The following CHMP1A variants were observed in gnomAD, a reference collection of about 807,000 sequenced individuals.
CHMP1A encodes the protein charged multivesicular body protein 1A.
A neutral mutation model predicts 27.0 loss-of-function variants in CHMP1A; 17 were observed. The observed-to-expected ratio is 0.63, with a 90% CI of 0.43 to 0.95. CHMP1A has a LOEUF of 0.95. CHMP1A is among the 40% of genes least tolerant of loss of function. The probability of loss-of-function intolerance (pLI) is 0.00; values close to 1 mark genes in which losing one functional copy is unlikely to be tolerated. For missense variants in CHMP1A, 275 were observed against 264.0 expected, an observed-to-expected ratio of 1.04 and a Z score of -0.29; for synonymous variants, 131 against 107.5, an observed-to-expected ratio of 1.22 and a Z score of -1.35.
chr16:89,650,725 G>C (rs34179535), intron 3 of CHMP1A, among the ~76,000 whole-genome samples: 1 of 151,806 alleles, frequency 6.6e-6, no homozygotes, highest in East Asian at 1.9e-4. Flanking sequence ...AGAATCACTC[G>C]AACCCAGGAG....
chr16:89,655,118 C>T (rs2059854414), intron 1 of CHMP1A, among the ~76,000 whole-genome samples: 1 of 152,122 alleles, frequency 6.6e-6, no homozygotes, highest in Non-Finnish European at 1.5e-5. Flanking sequence ...CACAAATGCA[C>T]ACCAAGGCTC....
At chr16:89,646,398 G>A (rs1369866704) in intron 6 of CHMP1A, 129 bp downstream of exon 6, 9 of 1,094,064 alleles carry the variant, frequency 8.2e-6, no homozygotes, top group Middle Eastern at 3.1e-4. Flanking sequence ...CCTCTGAGTC[G>A]AGATCAGGGC....
At chr16:89,655,952 G>C (rs1323658526) in intron 1 of CHMP1A, among the ~76,000 whole-genome samples, 3 of 152,116 alleles carry the variant, frequency 2.0e-5, no homozygotes, top group African/African-American at 7.2e-5. Flanking sequence ...TTACAGCCGT[G>C]AGCCACCGCG....
In CHMP1A at chr16:89,644,745, T is replaced by C. The variant is rs1047742452; in HGVS notation, c.*1321A>G. 2 of 152,376 alleles carry C rather than the reference T, an allele frequency of 1.3e-5. No individual in the cohort carries two copies. Among genetic ancestry groups the C allele is most frequent in the African/African-American group, 4.8e-5 (2 of 41,446 alleles). The allele number at this position is 152,376 out of a possible 1,614,324, so 9.4% of individuals were successfully genotyped here. ...GCCCACGTCAGGGTCTCCACGTTCCTGCACGTAACACCCACGACACCACTG... is the reference window on the plus strand; with the variant it reads ...GCCCACGTCAGGGTCTCCACGTTCCCGCACGTAACACCCACGACACCACTG... On this transcript the variant is annotated 3_prime_UTR_variant, in exon 7 of 7. Coordinates refer to ENST00000397901, the MANE Select transcript of CHMP1A (RefSeq NM_002768.5).
chr16:89,648,680 C>A (rs1477558228), intron 4 of CHMP1A, among the ~76,000 whole-genome samples: 1 of 151,904 alleles, frequency 6.6e-6, no homozygotes, highest in Non-Finnish European at 1.5e-5. Flanking sequence ...TGCTTGAGGC[C>A]AGGAGTTTGA....
chr16:89,654,172 G>A (rs2059846174), intron 1 of CHMP1A, among the ~76,000 whole-genome samples: 1 of 152,208 alleles, frequency 6.6e-6, no homozygotes, highest in Non-Finnish European at 1.5e-5. Flanking sequence ...TTCCTTGTTG[G>A]GAACATGAGG....
intron 3 of CHMP1A, among the ~76,000 whole-genome samples, chr16:89,650,504 G>A (rs921522556): frequency 6.6e-6 from 1 of 152,156 alleles, no homozygotes; most frequent in Non-Finnish European, 1.5e-5. Context: ...AGGGAGGAGA[G>A]AGCTAAAAAT....
rs2059804834 is a variant in CHMP1A at position 89,649,183 on chromosome 16, C to G, written c.252+168G>C. ...CTCAACCTCCCCACCCCACGCTGAT[C>G]CAGCCCTCAACCTCCCCACCCCACG... On this transcript the variant is annotated intron_variant, in intron 4 of 6. Coordinates refer to ENST00000397901, the MANE Select transcript of CHMP1A (RefSeq NM_002768.5). 6 of 343,462 alleles carry G rather than the reference C, an allele frequency of 1.7e-5. No homozygotes were observed. In the South Asian group the frequency reaches 2.9e-4, roughly 17 times the overall value. 21.3% of individuals were successfully genotyped at this position (343,462 alleles called of 1,614,324 possible).
In CHMP1A at chr16:89,647,019, G is replaced by A. The variant is rs541653790; in HGVS notation, c.381+184C>T. ...CAGGTGCCTGCAGGAGGCCCCCGCCGCCCTGCCCACCCTACCTGTCAGGGT... is the reference window on the plus strand; with the variant it reads ...CAGGTGCCTGCAGGAGGCCCCCGCCACCCTGCCCACCCTACCTGTCAGGGT... On this transcript the variant is annotated intron_variant, in intron 5 of 6. Transcript: ENST00000397901. The A allele has an allele frequency of 2.8e-4, 428 of 1,511,868 alleles. 3 individuals are homozygous for A. In the South Asian group the frequency reaches 3.8e-3, roughly 13 times the overall value. The allele number at this position is 1,511,868 out of a possible 1,614,324, so 93.7% of individuals were successfully genotyped here.
chr16:89,653,566 T>G, intron 2 of CHMP1A, among the ~76,000 whole-genome samples: 1 of 133,434 alleles, frequency 7.5e-6, no homozygotes, highest in African/African-American at 2.9e-5. Context: ...GAGGTTGCAG[T>G]GAGCCGAGAT....
At chr16:89,655,369 CTT>C (rs2059856341) in intron 1 of CHMP1A, among the ~76,000 whole-genome samples, 1 of 51,496 alleles carries the variant, frequency 1.9e-5, no homozygotes, top group African/African-American at 4.2e-5. Flanking sequence ...CTCATCTCAG[CTT>C]TCCCTCACCT....
Position 89,649,444 on chromosome 16 carries a change from G to A in CHMP1A, c.159C>T (p.Ile53=). The A allele has an allele frequency of 6.2e-7, 1 of 1,613,780 alleles. No individual in the cohort carries two copies. Among genetic ancestry groups the A allele is most frequent in the African/African-American group, 1.3e-5 (1 of 75,072 alleles). The part of the protein sequence containing the change: ...ECARVYAENA[I]RKKNEGVNWL... Reference sequence around the variant, plus strand: ...AGTTCACACCTTCGTTCTTCTTGCGGATGGCGTTCTCGGCATACACACGGG... The same window carrying A: ...AGTTCACACCTTCGTTCTTCTTGCGAATGGCGTTCTCGGCATACACACGGG... Residue 53 remains isoleucine, a synonymous_variant, in exon 4 of 7, where the codon ATC becomes ATT. Transcript: ENST00000397901.
At chr16:89,655,533 C>T (rs1247866814) in intron 1 of CHMP1A, among the ~76,000 whole-genome samples, 2 of 152,206 alleles carry the variant, frequency 1.3e-5, no homozygotes, top group African/African-American at 4.8e-5. Flanking sequence ...AAAAACCCAG[C>T]TAAGGCAAAA....
At chr16:89,653,146 T>C (rs2059838460) in intron 2 of CHMP1A, among the ~76,000 whole-genome samples, 1 of 150,086 alleles carries the variant, frequency 6.7e-6, no homozygotes, top group South Asian at 2.1e-4. Flanking sequence ...GCCTCCTGAG[T>C]AGCTGGGACT....
At chr16:89,649,666 C>T (rs975486677) in intron 3 of CHMP1A, 169 bp from the exon 4 acceptor site, 2 of 739,572 alleles carry the variant, frequency 2.7e-6, no homozygotes, top group Non-Finnish European at 4.3e-6. Context: ...AGCTCCGCCC[C>T]CCAGGTTCAT....
rs258338 is a variant in CHMP1A at position 89,654,001 on chromosome 16, T to A, written c.8-78A>T. ...CTTCTGGCAGGCAGGACTCACTAGGTTCCTTCTAGACACCAGGAGCTAGAA... is the reference window on the plus strand; with the variant it reads ...CTTCTGGCAGGCAGGACTCACTAGGATCCTTCTAGACACCAGGAGCTAGAA... On this transcript the variant is annotated intron_variant, in intron 1 of 6. Coordinates refer to ENST00000397901, the MANE Select transcript of CHMP1A (RefSeq NM_002768.5). The A allele has an allele frequency of 1, 1,457,094 of 1,461,442 alleles. 726,459 individuals are homozygous for A. Among genetic ancestry groups the A allele is most frequent in the East Asian group, 1 (44,081 of 44,082 alleles). The allele number at this position is 1,461,442 out of a possible 1,614,324, so 90.5% of individuals were successfully genotyped here. A position where few individuals can be genotyped will look rare whatever the true frequency, so the allele number is the denominator to read the frequency against.
chr16:89,646,734 CT>C lies in CHMP1A; in HGVS notation c.382-21del. On this transcript the variant is annotated intron_variant, in intron 5 of 6. Transcript: ENST00000397901. ...CATCACCTGGGGGCAGGGGCATGCT[CT>C]GGACAACAGGTGGGGCCAGGCCCAT... 6.2e-7 allele frequency: 1 copy of C among 1,604,110 alleles called. No individual in the cohort carries two copies. The highest frequency in any genetic ancestry group is 8.5e-7 in the Non-Finnish European group (1 of 1,176,132).
At chr16:89,653,002 CT>C (rs1286315932) in intron 2 of CHMP1A, among the ~76,000 whole-genome samples, 250 of 132,576 alleles carry the variant, frequency 1.9e-3, no homozygotes, top group Middle Eastern at 0.012. Context: ...CCCAAGTTGT[CT>C]TTTTTTTTTT....
intron 3 of CHMP1A, among the ~76,000 whole-genome samples, chr16:89,650,525 G>A (rs565528763): frequency 9.8e-5 from 15 of 152,302 alleles, no homozygotes; most frequent in African/African-American, 3.1e-4. Context: ...GATAGGATCC[G>A]CTGGGCCCAG....
Sources: gnomAD v4.1 joint callset for allele counts (sites outside exome capture counted in the v4.1 genomes callset) on GRCh38, gnomAD v4.1.1 for gene constraint, MANE v1.5 for transcripts, NCBI Gene and HGNC (gene_info 2026-07-23, HGNC 2026-07-21) for gene names.